The following AQP8 variants were observed in gnomAD, a reference collection of about 807,000 sequenced individuals.
The protein encoded by AQP8 is aquaporin-8.
A neutral mutation model predicts 26.1 loss-of-function variants in AQP8; 14 were observed. The ratio of observed to expected loss-of-function variants is 0.54; its 90% CI spans 0.35 to 0.84. AQP8 has a LOEUF of 0.84. AQP8 is among the 40% of genes least tolerant of loss of function. The pLI is 0.01. For missense variants in AQP8, 301 were observed against 340.5 expected (o/e 0.88, Z 0.91); for synonymous variants, 131 against 150.7 (o/e 0.87, Z 0.96).
chr16:25,227,165 C>G lies in AQP8; in HGVS notation c.700C>G (p.Pro234Ala). 1 of 1,614,038 alleles carries G rather than the reference C, an allele frequency of 6.2e-7. No homozygotes were observed. The highest frequency in any genetic ancestry group is 1.7e-5 in the Admixed American group (1 of 59,992). ...CTTCCACTGGATCTACTGGCTGGGC[C>G]CACTCCTGGCTGGCCTGCTTGTTGG... is the stretch of plus-strand genomic sequence containing the variant. The part of the protein sequence containing the change: ...WNFHWIYWLG[P>A]LLAGLLVGLL... The change falls in exon 5 of 6, where the codon CCA (proline) becomes GCA (alanine). Residue 234 changes from proline to alanine, a missense_variant. Transcript: ENST00000219660.
intron 4 of AQP8, among the ~76,000 whole-genome samples, chr16:25,225,824 G>A (rs1454831158): frequency 1.3e-5 from 2 of 152,194 alleles, no homozygotes; most frequent in East Asian, 3.8e-4. Flanking sequence ...GTGCACCTGG[G>A]GAAGAGTCTC....
chr16:25,222,236 C>T (rs1019078844), intron 3 of AQP8, among the ~76,000 whole-genome samples: 8 of 152,160 alleles, frequency 5.3e-5, no homozygotes, highest in African/African-American at 1.9e-4. Context: ...CAACTAATTT[C>T]CTCTGCCTAG....
intron 2 of AQP8, among the ~76,000 whole-genome samples, chr16:25,219,750 A>G (rs549743332): frequency 6.6e-6 from 1 of 151,320 alleles, no homozygotes; most frequent in Admixed American, 6.6e-5. Flanking sequence ...CAAACCATGC[A>G]TGGAGGTCAG....
Position 25,228,466 on chromosome 16 carries a change from A to G in AQP8, c.760A>G (p.Thr254Ala). ...CAGGTGCTTCATTGGAGATGGGAAG[A>G]CCCGCCTCATCCTGAAGGCTCGGTG... ...LIRCFIGDGK[T>A]RLILKAR Residue 254 changes from threonine (T) to alanine (A), a missense_variant, in exon 6 of 6, where the codon ACC becomes GCC. Thr to Ala is a moderately conservative substitution (Grantham distance 58). Transcript: ENST00000219660. The G allele has an allele frequency of 6.2e-7, 1 of 1,613,452 alleles. No individual in the cohort carries two copies. The highest frequency in any genetic ancestry group is 1.1e-5 in the South Asian group (1 of 91,038).
chr16:25,219,416 A>G (rs555241254), intron 2 of AQP8, among the ~76,000 whole-genome samples: 1 of 151,548 alleles, frequency 6.6e-6, no homozygotes, highest in African/African-American at 2.4e-5. Flanking sequence ...GTAAGTTATA[A>G]GCACCCAGCA....
intron 3 of AQP8, 77 bp from the exon 4 acceptor site, chr16:25,224,285 C>G (rs182041390): frequency 2.9e-6 from 4 of 1,377,300 alleles, no homozygotes; most frequent in Non-Finnish European, 3.0e-6. Context: ...GGGTAGCATG[C>G]GTTTTTTAGG....
At chr16:25,223,385 T>C (rs1250742507) in intron 3 of AQP8, among the ~76,000 whole-genome samples, 1 of 152,240 alleles carries the variant, frequency 6.6e-6, no homozygotes, top group Non-Finnish European at 1.5e-5. Flanking sequence ...TGATCATATG[T>C]GTTTGTAAAG....
chr16:25,219,332 T>C (rs7200598), intron 2 of AQP8, among the ~76,000 whole-genome samples: 10,261 of 151,208 alleles, frequency 0.068, 1,448 homozygotes, highest in African/African-American at 0.24. Flanking sequence ...TTTTGACAAA[T>C]ATTTATTCAG....
At chr16:25,225,658 C>G (rs1293807766) in intron 4 of AQP8, among the ~76,000 whole-genome samples, 1 of 151,994 alleles carries the variant, frequency 6.6e-6, no homozygotes, top group African/African-American at 2.4e-5. Flanking sequence ...ATCCGCCCGC[C>G]TTGGCCTCCC....
chr16:25,219,893 C>T lies in AQP8; in HGVS notation c.261-1564C>T, dbSNP rs79030907. On this transcript the variant is annotated intron_variant, in intron 2 of 5. Transcript: ENST00000219660. ...CTCTACCAAAAATACAAAAATTAGC[C>T]GGGCGTGGTGGCAGCCCCGTTATCC... 7.0e-3 allele frequency among the ~76,000 whole-genome samples: 1,066 copies of T among 152,102 alleles called. 12 individuals are homozygous for T. The highest frequency in any genetic ancestry group is 0.017 in the African/African-American group (708 of 41,482).
At chr16:25,222,813 A>G (rs1164065316) in intron 3 of AQP8, among the ~76,000 whole-genome samples, 3 of 151,870 alleles carry the variant, frequency 2.0e-5, no homozygotes, top group Admixed American at 6.6e-5. Flanking sequence ...CCATGTCCCA[A>G]TTTGAGAGCC....
intron 3 of AQP8, among the ~76,000 whole-genome samples, chr16:25,223,074 T>C (rs1962584963): frequency 6.6e-6 from 1 of 152,268 alleles, no homozygotes; most frequent in Non-Finnish European, 1.5e-5. Flanking sequence ...GCTTACCTTG[T>C]GCCAGGCACA....
At chr16:25,219,066 A>G (rs942356266) in intron 2 of AQP8, among the ~76,000 whole-genome samples, 4 of 151,484 alleles carry the variant, frequency 2.6e-5, no homozygotes, top group African/African-American at 9.7e-5. Context: ...GTGCAGTGGT[A>G]TAAATATGAG....
Position 25,217,413 on chromosome 16 carries a change from G to A in AQP8, c.228G>A (p.Leu76=). The change falls in exon 2 of 6, where the codon TTG becomes TTA. Residue 76 remains leucine (L), a synonymous_variant. Transcript: ENST00000219660. Reference sequence around the variant, plus strand: ...CGGCCCTGGCCCACGGGCTGGCTTTGGGGCTCGTGATTGCCACGCTGGGGA... The same window carrying A: ...CGGCCCTGGCCCACGGGCTGGCTTTAGGGCTCGTGATTGCCACGCTGGGGA... The part of the protein sequence containing the change: ...LQPALAHGLA[L]GLVIATLGNI... The A allele has an allele frequency of 1.9e-6, 3 of 1,614,156 alleles. No individual in the cohort carries two copies. The highest frequency in any genetic ancestry group is 2.5e-6 in the Non-Finnish European group (3 of 1,180,032).
intron 2 of AQP8, among the ~76,000 whole-genome samples, chr16:25,220,000 A>G (rs1361564347): frequency 6.6e-6 from 1 of 151,508 alleles, no homozygotes; most frequent in African/African-American, 2.4e-5. Flanking sequence ...GCACCATTGC[A>G]CTCCAGCCTG....
At chr16:25,220,119 G>A (rs752700123) in intron 2 of AQP8, among the ~76,000 whole-genome samples, 9 of 152,162 alleles carry the variant, frequency 5.9e-5, no homozygotes, top group Non-Finnish European at 1.0e-4. Flanking sequence ...AGCTGAGCCA[G>A]ACAAGTTGGG....
At chr16:25,221,177 C>T (rs1479580833) in intron 2 of AQP8, among the ~76,000 whole-genome samples, 2 of 151,740 alleles carry the variant, frequency 1.3e-5, no homozygotes, top group African/African-American at 4.8e-5. Context: ...TGGAGGGAGT[C>T]AGGGAGGAGT....
intron 2 of AQP8, among the ~76,000 whole-genome samples, chr16:25,218,643 G>T (rs1302002300): frequency 7.9e-5 from 12 of 152,238 alleles, no homozygotes; most frequent in Admixed American, 7.8e-4. Flanking sequence ...ACTTTGGGAG[G>T]CTGAGGCGGG....
chr16:25,220,532 C>T (rs770178009), intron 2 of AQP8, among the ~76,000 whole-genome samples: 20 of 152,194 alleles, frequency 1.3e-4, no homozygotes, highest in Admixed American at 1.2e-3. Flanking sequence ...CCTTTGACCT[C>T]AGGTTCTGAC....
Sources: gnomAD v4.1 joint callset for allele counts (sites outside exome capture counted in the v4.1 genomes callset) on GRCh38, gnomAD v4.1.1 for gene constraint, MANE v1.5 for transcripts, NCBI Gene and HGNC (gene_info 2026-07-23, HGNC 2026-07-21) for gene names.